The following ALKBH6 variants were observed in gnomAD, a reference collection of about 807,000 sequenced individuals.
ALKBH6 encodes probable RNA/DNA demethylase ALKBH6.
ALKBH6 carries 20 observed loss-of-function variants against 25.1 expected under a neutral mutation model. The observed-to-expected ratio is 0.80, with a 90% CI of 0.56 to 1.16. The LOEUF is 1.16. Among genes scored for constraint, ALKBH6 ranks in the 50% most tolerant of loss-of-function variants. The probability of loss-of-function intolerance (pLI) is 0.00; values close to 1 mark genes in which losing one functional copy is unlikely to be tolerated. For missense variants in ALKBH6, 263 were observed against 326.5 expected, an observed-to-expected ratio of 0.81 and a Z score of 1.50; for synonymous variants, 156 against 147.5, an observed-to-expected ratio of 1.06 and a Z score of -0.42.
In ALKBH6 at chr19:36,013,944, C is replaced by A; in HGVS notation, c.-26+231G>T. 1 of 1,378,096 alleles carries A rather than the reference C, an allele frequency of 7.3e-7. No individual in the cohort carries two copies. Among genetic ancestry groups the A allele is most frequent in the East Asian group, 3.0e-5 (1 of 33,182 alleles). The allele number at this position is 1,378,096 out of a possible 1,614,324, so 85.4% of individuals were successfully genotyped here. On this transcript the variant is annotated intron_variant, in intron 1 of 6. Coordinates refer to ENST00000378875, the MANE Select transcript of ALKBH6 (RefSeq NM_032878.5). This position sits in a 1 kb window ranked among gnomAD's most constrained non-coding sequence, Gnocchi z 4.6. ...TCCTCGGATCCCCCCATTTGGACGC[C>A]CCTCGGATTTCCCCTCCTGAGCGCC...
Position 36,010,885 on chromosome 19 carries a change from T to A in ALKBH6, c.336+9A>T. The A allele has an allele frequency of 6.2e-7, 1 of 1,613,420 alleles. No homozygotes were observed. Among genetic ancestry groups the A allele is most frequent in the South Asian group, 1.1e-5 (1 of 91,046 alleles). On this transcript the variant is annotated intron_variant, in intron 5 of 6. Coordinates refer to ENST00000378875, the MANE Select transcript of ALKBH6 (RefSeq NM_032878.5). The surrounding 1 kb of genome is among the most constrained non-coding windows in gnomAD (Gnocchi z 5.5). ...AGTGGGGGGACACGGGCCGAGGGTG[T>A]GTGGTTACCATGATGCCCTCCCCAG...
chr19:36,011,069 AG>A (rs1968597233), intron 4 of ALKBH6, 24 bp from the exon 5 acceptor site: 1 of 1,579,066 alleles, frequency 6.3e-7, no homozygotes, highest in Non-Finnish European at 8.6e-7. Context: ...TGGGGTCCTG[AG>A]GGCCCCCCTA....
In ALKBH6 at chr19:36,009,411, G is replaced by A; in HGVS notation, c.596C>T (p.Pro199Leu). The A allele has an allele frequency of 8.0e-7, 1 of 1,248,542 alleles. No individual in the cohort carries two copies. Among genetic ancestry groups the A allele is most frequent in the Non-Finnish European group, 1.0e-6 (1 of 997,984 alleles). 77.3% of individuals were successfully genotyped at this position (1,248,542 alleles called of 1,614,324 possible). The change falls in exon 7 of 7, where the codon CCC (proline) becomes CTC (leucine). Residue 199 changes from proline to leucine, a missense_variant. By Grantham distance (98) the Pro-to-Leu change is moderately conservative. This residue lies in a region of ALKBH6 where 148 missense variants were observed against 157.5 expected (regional missense o/e 0.94). Transcript: ENST00000378875. ...VDALDAASSPPNAAACPSARP... is the reference protein window; with the variant it reads ...VDALDAASSPLNAAACPSARP... ...CGCCGACGGGCAGGCTGCCGCATTG[G>A]GCGGCGAGGAGGCGGCGTCCAGCGC...
At position 36,010,950 on chromosome 19, in the gene ALKBH6, C is replaced by T. The variant is rs1474842482; in HGVS notation, c.280G>A (p.Gly94Ser). 6.2e-7 allele frequency: 1 copy of T among 1,613,956 alleles called. No homozygotes were observed. The highest frequency in any genetic ancestry group is 1.1e-5 in the South Asian group (1 of 91,086). ...DKVSNLSLFG[G>S]LPANHVLVNQ... ...ACGAGGACATGGTTAGCTGGGAGGC[C>T]TCCAAAGAGGCTGAGGTTTGACACT... The change falls in exon 5 of 7, where the codon GGC becomes AGC. Residue 94 changes from glycine (G) to serine (S), a missense_variant. Physicochemically the swap from Gly to Ser is moderately conservative, Grantham distance 56. This residue lies in a region of ALKBH6 where 112 missense variants were observed against 153.0 expected (regional missense o/e 0.73). Transcript: ENST00000378875. This position sits in a 1 kb window ranked among gnomAD's most constrained non-coding sequence, Gnocchi z 5.5.
intron 6 of ALKBH6, 145 bp from the exon 7 acceptor site, chr19:36,009,698 T>G (rs1599682833): frequency 1.7e-6 from 1 of 593,382 alleles, no homozygotes; most frequent in African/African-American, 1.9e-5. Flanking sequence ...GCTTTGGTGG[T>G]TCAGGAGTGA....
At chr19:36,009,689 CT>C in intron 6 of ALKBH6, 136 bp from the exon 7 acceptor site, 1 of 621,444 alleles carries the variant, frequency 1.6e-6, no homozygotes, top group Non-Finnish European at 2.3e-6. Context: ...ATGATGGAGG[CT>C]TTGGTGGTTC....
rs571327407 is a variant in ALKBH6, at chr19:36,009,347, C to T, written c.660G>A (p.Ser220=). 1.5e-6 allele frequency: 2 copies of T among 1,331,166 alleles called. No individual in the cohort carries two copies. The highest frequency in any genetic ancestry group is 3.1e-5 in the East Asian group (1 of 32,138). The allele number at this position is 1,331,166 out of a possible 1,614,324, so 82.5% of individuals were successfully genotyped here. Residue 220 remains serine (S), a synonymous_variant, in exon 7 of 7, where the codon TCG becomes TCA. Transcript: ENST00000378875. ...GACLVRGTRV[S]LTIRRVPRVL... The stretch of plus-strand genomic sequence containing the variant: ...CGCGGGGCACGCGGCGGATGGTCAG[C>T]GAGACCCGGGTGCCGCGCACCAGGC...
At position 36,013,379 on chromosome 19, in the gene ALKBH6, T is replaced by C; in HGVS notation, c.19A>G (p.Arg7Gly). MEEQDA[R>G]VPALEPFRVE... The stretch of plus-strand genomic sequence containing the variant: ...CTGAACGGTTCCAGGGCTGGGACTC[T>C]GGCGTCCTGCTCCTCCATCAACACC... The change falls in exon 2 of 7, where the codon AGA becomes GGA. Residue 7 changes from arginine (R) to glycine (G), a missense_variant. By Grantham distance (125) the Arg-to-Gly change is moderately radical. Coordinates refer to ENST00000378875, the MANE Select transcript of ALKBH6 (RefSeq NM_032878.5). This position sits in a 1 kb window ranked among gnomAD's most constrained non-coding sequence, Gnocchi z 4.6. The C allele has an allele frequency of 1.2e-6, 2 of 1,613,874 alleles. No individual in the cohort carries two copies. The highest frequency in any genetic ancestry group is 2.2e-5 in the East Asian group (1 of 44,868).
rs1968557648 is a variant in ALKBH6 at position 36,010,236 on chromosome 19, G to C, written c.453+331C>G. 6.6e-6 allele frequency: 2 copies of C among 305,072 alleles called. No homozygotes were observed. The highest frequency in any genetic ancestry group is 2.2e-5 in the African/African-American group (1 of 46,336). 18.9% of individuals were successfully genotyped at this position (305,072 alleles called of 1,614,324 possible). A position where few individuals can be genotyped will look rare whatever the true frequency, so the allele number is the denominator to read the frequency against. ...GGACGTCTGGGGCACCCTGAGCAGG[G>C]GCAGATAGAGCATCTGGGAGGAGGT... On this transcript the variant is annotated intron_variant, in intron 6 of 6. Transcript: ENST00000378875. The surrounding 1 kb of genome is among the most constrained non-coding windows in gnomAD (Gnocchi z 5.5).
At position 36,009,438 on chromosome 19, in the gene ALKBH6, T is replaced by C; in HGVS notation, c.569A>G (p.Asp190Gly). The change falls in exon 7 of 7, where the codon GAC (aspartate) becomes GGC (glycine). Residue 190 changes from aspartate (D) to glycine (G), a missense_variant. Asp to Gly is a moderately conservative substitution (Grantham distance 94). Coordinates refer to ENST00000378875, the MANE Select transcript of ALKBH6 (RefSeq NM_032878.5). Reference protein sequence around the residue: ...LLHGIAAARVDALDAASSPPN... With the variant: ...LLHGIAAARVGALDAASSPPN... ...CGGCGAGGAGGCGGCGTCCAGCGCG[T>C]CTACGCGGGCGGCGGCGATGCCGTG... The C allele has an allele frequency of 2.4e-6, 3 of 1,245,236 alleles. No individual in the cohort carries two copies. Among genetic ancestry groups the C allele is most frequent in the Admixed American group, 4.2e-5 (1 of 23,876 alleles). 77.1% of individuals were successfully genotyped at this position (1,245,236 alleles called of 1,614,324 possible).
chr19:36,013,924 G>A lies in ALKBH6; in HGVS notation c.-26+251C>T. The stretch of plus-strand genomic sequence containing the variant: ...AGACATGTCCACCCTCAGCCTCCTC[G>A]GATCCCCCCATTTGGACGCCCCTCG... On this transcript the variant is annotated intron_variant, in intron 1 of 6. Coordinates refer to ENST00000378875, the MANE Select transcript of ALKBH6 (RefSeq NM_032878.5). This position sits in a 1 kb window ranked among gnomAD's most constrained non-coding sequence, Gnocchi z 4.6. 3 of 1,350,486 alleles carry A rather than the reference G, an allele frequency of 2.2e-6. No individual in the cohort carries two copies. The highest frequency in any genetic ancestry group is 2.8e-6 in the Non-Finnish European group (3 of 1,056,984). The allele number at this position is 1,350,486 out of a possible 1,614,324, so 83.7% of individuals were successfully genotyped here.
At position 36,013,592 on chromosome 19, in the gene ALKBH6, C is replaced by A; in HGVS notation, c.-25-170G>T. The A allele has an allele frequency of 1.4e-6, 2 of 1,426,950 alleles. No individual in the cohort carries two copies. Among genetic ancestry groups the A allele is most frequent in the Non-Finnish European group, 1.8e-6 (2 of 1,092,782 alleles). The allele number at this position is 1,426,950 out of a possible 1,614,324, so 88.4% of individuals were successfully genotyped here. ...TTACAAGCCACACAGAGAGCCCCTACGTTCCATGCCCGGACACAATGAGCC... is the reference window on the plus strand; with the variant it reads ...TTACAAGCCACACAGAGAGCCCCTAAGTTCCATGCCCGGACACAATGAGCC... On this transcript the variant is annotated intron_variant, in intron 1 of 6. Coordinates refer to ENST00000378875, the MANE Select transcript of ALKBH6 (RefSeq NM_032878.5). This position sits in a 1 kb window ranked among gnomAD's most constrained non-coding sequence, Gnocchi z 4.6.
At chr19:36,009,608 G>GGGGC in intron 6 of ALKBH6, 55 bp from the exon 7 acceptor site, 9 of 336,916 alleles carry the variant, frequency 2.7e-5, no homozygotes, top group Non-Finnish European at 3.6e-5. Context: ...GTGGGGGTGG[G>GGGGC]CGAGAGGTCG....
At position 36,009,485 on chromosome 19, in the gene ALKBH6, G is replaced by A; in HGVS notation, c.522C>T (p.Gly174=). The A allele has an allele frequency of 8.0e-7, 1 of 1,249,886 alleles. No individual in the cohort carries two copies. The highest frequency in any genetic ancestry group is 1.0e-6 in the Non-Finnish European group (1 of 999,012). The allele number at this position is 1,249,886 out of a possible 1,614,324, so 77.4% of individuals were successfully genotyped here. Residue 174 remains glycine (G), a synonymous_variant, in exon 7 of 7, where the codon GGC becomes GGT. Coordinates refer to ENST00000378875, the MANE Select transcript of ALKBH6 (RefSeq NM_032878.5). ...LEPRSLLVLR[G]PAYTRLLHGI... ...CGTGGAGAAGACGCGTGTAGGCGGG[G>A]CCGCGGAGCACCAGCAGGCTGCGCG...
chr19:36,009,343 TC>T lies in ALKBH6; in HGVS notation c.663del (p.Thr222ProfsTer37). ...AGCACGCGGGGCACGCGGCGGATGG[TC>T]AGCGAGACCCGGGTGCCGCGCACCA... is the stretch of plus-strand genomic sequence containing the variant. ...ACLVRGTRVS[L>X]TIRRVPRVLR... On this transcript the variant is annotated frameshift_variant, in exon 7 of 7. Coordinates refer to ENST00000378875, the MANE Select transcript of ALKBH6 (RefSeq NM_032878.5). LOFTEE classifies it high-confidence loss of function. 1 of 1,337,974 alleles carries T rather than the reference TC, an allele frequency of 7.5e-7. No homozygotes were observed. The allele number at this position is 1,337,974 out of a possible 1,614,324, so 82.9% of individuals were successfully genotyped here.
chr19:36,011,611 G>T, intron 3 of ALKBH6, 147 bp from the exon 4 acceptor site: 1 of 862,650 alleles, frequency 1.2e-6, no homozygotes, highest in Non-Finnish European at 1.8e-6. Context: ...GGGTTCCTAG[G>T]ATTTTGTGGT....
chr19:36,013,958 C>T lies in ALKBH6; in HGVS notation c.-26+217G>A. On this transcript the variant is annotated intron_variant, in intron 1 of 6. Coordinates refer to ENST00000378875, the MANE Select transcript of ALKBH6 (RefSeq NM_032878.5). The surrounding 1 kb of genome is among the most constrained non-coding windows in gnomAD (Gnocchi z 4.6). ...CATTTGGACGCCCCTCGGATTTCCC[C>T]TCCTGAGCGCCCCTTCACTCCAGCA... 1 of 1,381,102 alleles carries T rather than the reference C, an allele frequency of 7.2e-7. No individual in the cohort carries two copies. Among genetic ancestry groups the T allele is most frequent in the Non-Finnish European group, 9.3e-7 (1 of 1,074,138 alleles). The allele number at this position is 1,381,102 out of a possible 1,614,324, so 85.6% of individuals were successfully genotyped here.
intron 1 of ALKBH6, 120 bp downstream of exon 1, chr19:36,014,055 C>T: frequency 6.5e-7 from 1 of 1,536,260 alleles, no homozygotes; most frequent in Non-Finnish European, 8.7e-7. Context: ...ATCCCCGACT[C>T]CGAGCCTTTT....
At position 36,013,351 on chromosome 19, in the gene ALKBH6, A is replaced by G. The variant is rs1014118569; in HGVS notation, c.47T>C (p.Val16Ala). The change falls in exon 2 of 7, where the codon GTG becomes GCG. Residue 16 changes from valine to alanine, a missense_variant. Around this residue, in one of 3 missense-constraint regions of ALKBH6, gnomAD observed 112 missense variants for 153.0 expected, o/e 0.73. Coordinates refer to ENST00000378875, the MANE Select transcript of ALKBH6 (RefSeq NM_032878.5). This position sits in a 1 kb window ranked among gnomAD's most constrained non-coding sequence, Gnocchi z 4.6. ...ACCCTGAGTTCTGACAACCTGCTCC[A>G]CTCTGAACGGTTCCAGGGCTGGGAC... ...ARVPALEPFR[V>A]EQAPPVIYYV... The G allele has an allele frequency of 2.6e-5, 42 of 1,613,596 alleles. No homozygotes were observed. In the Middle Eastern group the frequency reaches 6.6e-4, roughly 25 times the overall value.
Sources: gnomAD v4.1 joint callset for allele counts on GRCh38, gnomAD v4.1.1 for gene constraint, gnomAD v4.1.1 regional missense constraint, Gnocchi (gnomAD v3.1) non-coding constraint, MANE v1.5 for transcripts, NCBI Gene and HGNC (gene_info 2026-07-23, HGNC 2026-07-21) for gene names.